The following PTPRN2 variants were observed in gnomAD, a reference collection of about 807,000 sequenced individuals.
PTPRN2 encodes receptor-type tyrosine-protein phosphatase N2.
In PTPRN2, 74 loss-of-function variants were observed where a neutral mutation model predicts 118.8. The ratio of observed to expected loss-of-function variants is 0.62; its 90% confidence interval spans 0.52 to 0.76. PTPRN2 has a LOEUF of 0.76. Among genes scored for constraint, PTPRN2 ranks in the 30% least tolerant of loss-of-function variants. The pLI, the probability that PTPRN2 is intolerant of heterozygous loss-of-function variation, is 0.00. For missense variants in PTPRN2, 1,481 were observed against 1,394.4 expected (o/e 1.06, Z -0.99); for synonymous variants, 641 against 608.0 (o/e 1.05, Z -0.80).
intron 2 of PTPRN2, among the ~76,000 whole-genome samples, chr7:158,331,508 C>T (rs1469948320): frequency 2.1e-5 from 3 of 144,764 alleles, no homozygotes; most frequent in Non-Finnish European, 4.5e-5. Context: ...GAGCTGTCAC[C>T]CACAGACATC....
At chr7:157,776,301 C>T (rs200019247) in intron 12 of PTPRN2, among the ~76,000 whole-genome samples, 2 of 138,876 alleles carry the variant, frequency 1.4e-5, no homozygotes, top group Admixed American at 7.1e-5. Flanking sequence ...CCTCCTTCTC[C>T]CTCTCCTCTT....
At chr7:157,976,958 A>C (rs1341737729) in intron 11 of PTPRN2, among the ~76,000 whole-genome samples, 3 of 151,880 alleles carry the variant, frequency 2.0e-5, no homozygotes, top group African/African-American at 7.2e-5. Flanking sequence ...TTTATTAACA[A>C]AGATAGCTGT....
chr7:157,855,234 G>A (rs186295118), intron 12 of PTPRN2, among the ~76,000 whole-genome samples: 33 of 151,896 alleles, frequency 2.2e-4, no homozygotes, highest in Admixed American at 2.0e-3. Context: ...CATTGCAGGC[G>A]TGTGTGCGGG....
At chr7:158,404,649 C>T (rs1208153342) in intron 2 of PTPRN2, among the ~76,000 whole-genome samples, 1 of 151,952 alleles carries the variant, frequency 6.6e-6, no homozygotes, top group African/African-American at 2.4e-5. Flanking sequence ...CGGCCTCCAG[C>T]TCCCCAGCCT....
chr7:158,556,698 CGCAGGTCAGACGGCTCCCGG>C (rs1372767211), intron 1 of PTPRN2, among the ~76,000 whole-genome samples: 1 of 152,274 alleles, frequency 6.6e-6, no homozygotes, highest in East Asian at 1.9e-4. Flanking sequence ...GCAGCTCCCG[CGCAGGTCAGACGGCTCCCGG>C]GCAGGTCAGG....
intron 1 of PTPRN2, among the ~76,000 whole-genome samples, chr7:158,514,881 C>A (rs900266385): frequency 6.6e-6 from 1 of 152,158 alleles, no homozygotes; most frequent in Admixed American, 6.5e-5. Flanking sequence ...GTCACTGGCA[C>A]GTGTGTGGTT....
chr7:158,209,681 T>C (rs1357051910), intron 3 of PTPRN2, among the ~76,000 whole-genome samples: 1 of 152,240 alleles, frequency 6.6e-6, no homozygotes, highest in Non-Finnish European at 1.5e-5. Context: ...CAAGCTGCAC[T>C]GTTAACCAAA....
At chr7:157,669,201 C>T (rs116156678) in intron 13 of PTPRN2, among the ~76,000 whole-genome samples, 2,362 of 152,304 alleles carry the variant, frequency 0.016, 38 homozygotes, top group African/African-American at 0.043. Context: ...AAATGGCCCA[C>T]GGCCGCCCCT....
At chr7:158,359,431 G>A (rs534670382) in intron 2 of PTPRN2, among the ~76,000 whole-genome samples, 12 of 152,132 alleles carry the variant, frequency 7.9e-5, no homozygotes, top group Admixed American at 7.8e-4. Flanking sequence ...TGCCACCCAG[G>A]CACTCCGCTC....
intron 6 of PTPRN2, among the ~76,000 whole-genome samples, chr7:158,165,141 G>GTCTAGTACACAAAGAGGA (rs1563544667): frequency 4.4e-5 from 5 of 113,694 alleles, no homozygotes; most frequent in East Asian, 2.5e-4. Context: ...CACAAAGAGT[G>GTCTAGTACACAAAGAGGA]CAGGAGGCAG....
At chr7:158,390,234 C>A (rs1811821570) in intron 2 of PTPRN2, among the ~76,000 whole-genome samples, 1 of 152,180 alleles carries the variant, frequency 6.6e-6, no homozygotes, top group South Asian at 2.1e-4. Context: ...CATGGTCACA[C>A]AGCTCAGTGG....
intron 12 of PTPRN2, among the ~76,000 whole-genome samples, chr7:157,714,442 G>A (rs969554470): frequency 1.3e-5 from 2 of 152,292 alleles, no homozygotes; most frequent in Non-Finnish European, 2.9e-5. Flanking sequence ...GCAGAATTGA[G>A]GGATGTCTCC....
chr7:158,048,489 T>C (rs924190458), intron 11 of PTPRN2, among the ~76,000 whole-genome samples: 2 of 152,126 alleles, frequency 1.3e-5, no homozygotes, highest in South Asian at 4.2e-4. Context: ...ATCCCTATCA[T>C]CATTGTTACT....
At chr7:158,266,055 G>A (rs533893173) in intron 3 of PTPRN2, among the ~76,000 whole-genome samples, 1 of 151,848 alleles carries the variant, frequency 6.6e-6, no homozygotes, top group African/African-American at 2.4e-5. Context: ...CAGTGAGGCT[G>A]GGGACGGCGT....
At chr7:158,155,174 A>G (rs1410860023) in intron 6 of PTPRN2, among the ~76,000 whole-genome samples, 1 of 152,230 alleles carries the variant, frequency 6.6e-6, no homozygotes, top group Non-Finnish European at 1.5e-5. Context: ...GGAGTAAGAG[A>G]TCAGCTCACA....
intron 10 of PTPRN2, among the ~76,000 whole-genome samples, chr7:158,083,092 C>T (rs1487511652): frequency 1.3e-5 from 2 of 152,192 alleles, no homozygotes; most frequent in African/African-American, 4.8e-5. Flanking sequence ...GTGGCTGATT[C>T]TCCCTGTCTC....
chr7:158,136,051 C>T (rs1045356232), intron 8 of PTPRN2, among the ~76,000 whole-genome samples: 1 of 152,238 alleles, frequency 6.6e-6, no homozygotes, highest in East Asian at 1.9e-4. Context: ...GGCCCTTCTT[C>T]TGACTGCCTC....
chr7:158,566,891 T>A lies in PTPRN2; in HGVS notation c.112+20667A>T, dbSNP rs142937000. ...CTACCACACCAAGCAAATTTTTGTATTTTTAGTAGAGATGGTTTCACCATA... is the reference window on the plus strand; with the variant it reads ...CTACCACACCAAGCAAATTTTTGTAATTTTAGTAGAGATGGTTTCACCATA... On this transcript the variant is annotated intron_variant, in intron 1 of 22. Transcript: ENST00000389418. Among the ~76,000 whole-genome samples the A allele has an allele frequency of 2.7e-3, 415 of 152,246 alleles. 3 individuals are homozygous for A. The highest frequency in any genetic ancestry group is 9.4e-3 in the African/African-American group (391 of 41,544).
rs1259155080 is a variant in PTPRN2 at position 158,438,381 on chromosome 7, A to G, written c.163+51354T>C. On this transcript the variant is annotated intron_variant, in intron 2 of 22. Coordinates refer to ENST00000389418, the MANE Select transcript of PTPRN2 (RefSeq NM_002847.5). This position sits in a 1 kb window ranked among gnomAD's most constrained non-coding sequence, Gnocchi z 4.7. ...TCCATCTCAAAAAAAAAAAAGAAAA[A>G]GTTTTATTTTATTTTTAATTGACAA... 1.3e-5 allele frequency among the ~76,000 whole-genome samples: 2 copies of G among 152,038 alleles called. No individual in the cohort carries two copies. The highest frequency in any genetic ancestry group is 2.4e-5 in the African/African-American group (1 of 41,390).
Sources: gnomAD v4.1 joint callset for allele counts (sites outside exome capture counted in the v4.1 genomes callset) on GRCh38, gnomAD v4.1.1 for gene constraint, Gnocchi (gnomAD v3.1) non-coding constraint, MANE v1.5 for transcripts, NCBI Gene and HGNC (gene_info 2026-07-23, HGNC 2026-07-21) for gene names.